COPS7B: variants seen among roughly 807,000 people sequenced by gnomAD.
COPS7B encodes the protein COP9 signalosome complex subunit 7b.
A neutral mutation model predicts 33.4 loss-of-function variants in COPS7B; 9 were observed. That is an observed-to-expected ratio of 0.27 (90% CI 0.16 to 0.47). COPS7B has a LOEUF of 0.47. Ranked by LOEUF, COPS7B falls within the 20% of genes least tolerant of loss-of-function variation. The probability of loss-of-function intolerance (pLI) is 0.99; values close to 1 mark genes in which losing one functional copy is unlikely to be tolerated. For missense variants in COPS7B, 242 were observed against 318.2 expected (o/e 0.76, Z 1.82); for synonymous variants, 119 against 126.3 (o/e 0.94, Z 0.39).
At chr2:231,781,797 G>T, upstream of COPS7B, 1 of 1,548,160 alleles carries the variant, frequency 6.5e-7, no homozygotes, top group Non-Finnish European at 8.7e-7. Context: ...AACCCAACGG[G>T]AAGACCCTTC....
Position 231,807,828 on chromosome 2 carries a change from T to G in COPS7B, c.*183T>G. On this transcript the variant is annotated 3_prime_UTR_variant, in exon 7 of 7. Coordinates refer to ENST00000350033, the MANE Select transcript of COPS7B (RefSeq NM_022730.4). ...TTACTCCCCCTCACCCACTCCCTCC[T>G]TCCCCAGTTGTTCCCTTCAGACTCA... 7 of 547,174 alleles carry G rather than the reference T, an allele frequency of 1.3e-5. No homozygotes were observed. The highest frequency in any genetic ancestry group is 1.3e-5 in the Non-Finnish European group (4 of 313,386). 33.9% of individuals were successfully genotyped at this position (547,174 alleles called of 1,614,324 possible).
At chr2:231,794,830 A>G (rs543860446) in intron 4 of COPS7B, among the ~76,000 whole-genome samples, 11 of 151,938 alleles carry the variant, frequency 7.2e-5, no homozygotes, top group Non-Finnish European at 1.5e-4. Flanking sequence ...ATCTCAGCTC[A>G]CTGCAACCTC....
chr2:231,785,819 C>CT (rs2049226089), upstream of COPS7B, among the ~76,000 whole-genome samples: 1 of 152,212 alleles, frequency 6.6e-6, no homozygotes, highest in Non-Finnish European at 1.5e-5. Context: ...AGATGCAACT[C>CT]TATCAATGAC....
In COPS7B at chr2:231,800,978, A is replaced by G. The variant is rs569035917; in HGVS notation, c.636+2014A>G. Among the ~76,000 whole-genome samples, 4 of 152,340 alleles carry G rather than the reference A, an allele frequency of 2.6e-5. No individual in the cohort carries two copies. In the South Asian group the frequency reaches 8.3e-4, roughly 32 times the overall value. On this transcript the variant is annotated intron_variant, in intron 6 of 6. Transcript: ENST00000350033. ...TACTTGAGGCACACAGAAGATACTC[A>G]CCAAATAGCTACTGACTTGAAAGGA...
chr2:231,808,730 G>T lies in COPS7B; in HGVS notation c.*1085G>T, dbSNP rs1434226703. On this transcript the variant is annotated 3_prime_UTR_variant, in exon 7 of 7. Coordinates refer to ENST00000350033, the MANE Select transcript of COPS7B (RefSeq NM_022730.4). ...TTTCAACATGCTTTTGTCCCCCCTCGTGTCAATATTTGTTATAGACTAATC... is the reference window on the plus strand; with the variant it reads ...TTTCAACATGCTTTTGTCCCCCCTCTTGTCAATATTTGTTATAGACTAATC... 1 of 144,672 alleles carries T rather than the reference G, an allele frequency of 6.9e-6. No individual in the cohort carries two copies. Among genetic ancestry groups the T allele is most frequent in the Non-Finnish European group, 1.3e-5 (1 of 76,942 alleles). 9.0% of individuals were successfully genotyped at this position (144,672 alleles called of 1,614,324 possible). A position where few individuals can be genotyped will look rare whatever the true frequency, so the allele number is the denominator to read the frequency against.
upstream of COPS7B, among the ~76,000 whole-genome samples, chr2:231,782,045 T>C (rs1177322260): frequency 6.6e-6 from 1 of 152,204 alleles, no homozygotes; most frequent in Non-Finnish European, 1.5e-5. Context: ...ATGGATTGTA[T>C]ACTCAGAATA....
In COPS7B at chr2:231,790,731, AT is replaced by A. The variant is rs768098434; in HGVS notation, c.163-984del. ...GAAGGGTAACAGGAGCACGTTTGTG[AT>A]TTTTTTTTTTTTTTTTTGAGACGGA... On this transcript the variant is annotated intron_variant, in intron 2 of 6. Coordinates refer to ENST00000350033, the MANE Select transcript of COPS7B (RefSeq NM_022730.4). 246 of 132,996 alleles carry A rather than the reference AT, an allele frequency of 1.8e-3. 1 individual carries two copies. The highest frequency in any genetic ancestry group is 8.7e-3 in the South Asian group (36 of 4,158). The allele number at this position is 132,996 out of a possible 1,614,324, so 8.2% of individuals were successfully genotyped here. A position where few individuals can be genotyped will look rare whatever the true frequency, so the allele number is the denominator to read the frequency against.
chr2:231,791,839 G>C, intron 3 of COPS7B, 31 bp downstream of exon 3: 1 of 1,575,198 alleles, frequency 6.3e-7, no homozygotes, highest in Non-Finnish European at 8.7e-7. Context: ...CAAAAGACTT[G>C]TGTTAATTAT....
chr2:231,798,339 C>G (rs1441049573), intron 5 of COPS7B, among the ~76,000 whole-genome samples: 5 of 150,708 alleles, frequency 3.3e-5, no homozygotes, highest in African/African-American at 1.2e-4. Context: ...TCACTGCAAC[C>G]TCCGCCTCCC....
chr2:231,808,275 G>A lies in COPS7B; in HGVS notation c.*630G>A, dbSNP rs2049953208. On this transcript the variant is annotated 3_prime_UTR_variant, in exon 7 of 7. Coordinates refer to ENST00000350033, the MANE Select transcript of COPS7B (RefSeq NM_022730.4). ...CGATCTCCAATTAGTTGAGAGCGCTGGGTTGACTAACCTCTGGTATCTGAG... is the reference window on the plus strand; with the variant it reads ...CGATCTCCAATTAGTTGAGAGCGCTAGGTTGACTAACCTCTGGTATCTGAG... The A allele has an allele frequency of 2.7e-6, 1 of 375,310 alleles. No homozygotes were observed. Among genetic ancestry groups the A allele is most frequent in the Admixed American group, 3.7e-5 (1 of 27,118 alleles). 23.2% of individuals were successfully genotyped at this position (375,310 alleles called of 1,614,324 possible).
At chr2:231,802,505 A>G (rs1048114134) in intron 6 of COPS7B, among the ~76,000 whole-genome samples, 1 of 152,210 alleles carries the variant, frequency 6.6e-6, no homozygotes. Flanking sequence ...ATCTTACTTG[A>G]AAATTTCTGA....
At chr2:231,792,560 C>T (rs570194564) in intron 3 of COPS7B, among the ~76,000 whole-genome samples, 1 of 152,186 alleles carries the variant, frequency 6.6e-6, no homozygotes, top group African/African-American at 2.4e-5. Context: ...CTTTTTTGTG[C>T]CCCTTATGTT....
chr2:231,793,322 A>G (rs2049473813), intron 3 of COPS7B, among the ~76,000 whole-genome samples: 2 of 152,248 alleles, frequency 1.3e-5, no homozygotes, highest in South Asian at 2.1e-4. Flanking sequence ...CGTACAGGTT[A>G]GAAATTCCCA....
chr2:231,786,376 C>A, upstream of COPS7B: 1 of 909,778 alleles, frequency 1.1e-6, no homozygotes, highest in Non-Finnish European at 1.3e-6. Flanking sequence ...GGGCGGAACG[C>A]GAGTGCAGCG....
In COPS7B at chr2:231,796,322, G is replaced by A; in HGVS notation, c.530+14G>A. ...CCTGCATGAATGGTGAGGCTAAAAG[G>A]AGGAGGGGGATATCTAGCATGTCTT... On this transcript the variant is annotated intron_variant, in intron 5 of 6. Transcript: ENST00000350033. The A allele has an allele frequency of 6.2e-7, 1 of 1,609,724 alleles. No individual in the cohort carries two copies. The highest frequency in any genetic ancestry group is 8.5e-7 in the Non-Finnish European group (1 of 1,176,702).
intron 6 of COPS7B, among the ~76,000 whole-genome samples, chr2:231,805,446 T>TTATATATA (rs67709919): frequency 2.2e-5 from 3 of 138,742 alleles, no homozygotes; most frequent in African/African-American, 8.0e-5. Flanking sequence ...TTTTTAAATT[T>TTATATATA]TATATATATA....
In COPS7B at chr2:231,799,065, C is replaced by G. The variant is rs569951625; in HGVS notation, c.636+101C>G. The G allele has an allele frequency of 2.9e-6, 3 of 1,033,874 alleles. No individual in the cohort carries two copies. The South Asian group carries it at 4.4e-5, about 15-fold the overall frequency. 64.0% of individuals were successfully genotyped at this position (1,033,874 alleles called of 1,614,324 possible). A position where few individuals can be genotyped will look rare whatever the true frequency, so the allele number is the denominator to read the frequency against. ...TTTGCGAATCTTGGTGTAGATGAAA[C>G]AAGCAGTCACCAACAAGTGGGCCTG... On this transcript the variant is annotated intron_variant, in intron 6 of 6. Coordinates refer to ENST00000350033, the MANE Select transcript of COPS7B (RefSeq NM_022730.4).
At chr2:231,805,707 G>A (rs1280998934) in intron 6 of COPS7B, among the ~76,000 whole-genome samples, 1 of 151,368 alleles carries the variant, frequency 6.6e-6, no homozygotes, top group Non-Finnish European at 1.5e-5. Flanking sequence ...CAGTGGTGCA[G>A]ACATGGCTCA....
Position 231,809,248 on chromosome 2 carries a change from A to G in COPS7B, c.*1603A>G, listed in dbSNP as rs1050027639. ...ATGAAATAAATGTTGCACTCCCTGC[A>G]TCCCATATCCTCATTGGAAATTCAT... On this transcript the variant is annotated 3_prime_UTR_variant, in exon 7 of 7. Coordinates refer to ENST00000350033, the MANE Select transcript of COPS7B (RefSeq NM_022730.4). 5 of 152,640 alleles carry G rather than the reference A, an allele frequency of 3.3e-5. No homozygotes were observed. Among genetic ancestry groups the G allele is most frequent in the African/African-American group, 7.2e-5 (3 of 41,458 alleles). 9.5% of individuals were successfully genotyped at this position (152,640 alleles called of 1,614,324 possible).
Sources: gnomAD v4.1 joint callset for allele counts (sites outside exome capture counted in the v4.1 genomes callset) on GRCh38, gnomAD v4.1.1 for gene constraint, MANE v1.5 for transcripts, NCBI Gene and HGNC (gene_info 2026-07-23, HGNC 2026-07-21) for gene names.